RICTOR: variants seen among roughly 807,000 people sequenced by gnomAD.
RICTOR encodes RPTOR independent companion of MTOR complex 2.
RICTOR carries 49 observed loss-of-function variants against 214.9 expected under a neutral mutation model. That is an observed-to-expected ratio of 0.23 (90% CI 0.18 to 0.29). The LOEUF (loss-of-function observed/expected upper bound fraction) is 0.29, where lower values mean the gene tolerates loss of function less well. Among genes scored for constraint, RICTOR ranks in the 10% least tolerant of loss-of-function variants. The pLI is 1.00. For missense variants in RICTOR, 1,625 were observed against 2,047.0 expected (o/e 0.79, Z 3.98); for synonymous variants, 717 against 711.3 (o/e 1.01, Z -0.13).
At chr5:39,065,251 A>G (rs1397189622) in intron 2 of RICTOR, among the ~76,000 whole-genome samples, 1 of 152,186 alleles carries the variant, frequency 6.6e-6, no homozygotes, top group Non-Finnish European at 1.5e-5. Flanking sequence ...GAGCGGGAGC[A>G]AGAGGGAGCT....
intron 2 of RICTOR, among the ~76,000 whole-genome samples, chr5:39,052,755 T>A (rs867964019): frequency 1.3e-5 from 2 of 152,222 alleles, no homozygotes; most frequent in Non-Finnish European, 1.5e-5. Context: ...ACCTTTCTCG[T>A]ACCTAGAGAG....
intron 3 of RICTOR, among the ~76,000 whole-genome samples, chr5:39,016,457 G>C (rs1364304719): frequency 6.6e-6 from 1 of 151,850 alleles, no homozygotes; most frequent in African/African-American, 2.4e-5. Flanking sequence ...AGAAAGGGCA[G>C]AAGAGAGTGG....
At chr5:39,042,014 G>A (rs771182899) in intron 2 of RICTOR, among the ~76,000 whole-genome samples, 1 of 151,186 alleles carries the variant, frequency 6.6e-6, no homozygotes, top group African/African-American at 2.4e-5. Flanking sequence ...CAGGCTATCA[G>A]TTTTCAAGCC....
chr5:38,992,455 C>A (rs1465827632), intron 6 of RICTOR, among the ~76,000 whole-genome samples: 1 of 151,944 alleles, frequency 6.6e-6, no homozygotes, highest in Admixed American at 6.6e-5. Flanking sequence ...GCTGAAAAAA[C>A]CGGCAAAATG....
At chr5:39,072,295 G>A (rs139149573) in intron 2 of RICTOR, among the ~76,000 whole-genome samples, 11 of 152,274 alleles carry the variant, frequency 7.2e-5, no homozygotes, top group East Asian at 3.9e-4. Context: ...ATTTTAAATA[G>A]TAAACAGTTA....
intron 2 of RICTOR, among the ~76,000 whole-genome samples, chr5:39,066,211 A>T (rs1758894355): frequency 6.6e-6 from 1 of 152,218 alleles, no homozygotes; most frequent in Admixed American, 6.5e-5. Context: ...TAATACATGT[A>T]AGCCATCAAG....
intron 2 of RICTOR, among the ~76,000 whole-genome samples, chr5:39,054,400 G>A (rs1034167351): frequency 6.6e-6 from 1 of 151,920 alleles, no homozygotes; most frequent in Admixed American, 6.6e-5. Context: ...GAAGGGGAGC[G>A]CTCATATCCA....
At chr5:39,001,982 A>T (rs1753660600) in intron 5 of RICTOR, among the ~76,000 whole-genome samples, 1 of 152,050 alleles carries the variant, frequency 6.6e-6, no homozygotes, top group Admixed American at 6.6e-5. Context: ...TAACCCAGAA[A>T]TTCTAGTTCT....
rs1055248771 is a variant in RICTOR, at chr5:38,946,514, T to A, written c.4353A>T (p.Pro1451=). ...CTCTTGCACCTCGATCATCATGTGGTGGTATGTTTTTTGTCTGAAAATAGG... is the reference window on the plus strand; with the variant it reads ...CTCTTGCACCTCGATCATCATGTGGAGGTATGTTTTTTGTCTGAAAATAGG... The part of the protein sequence containing the change: ...DIPYFQTKNI[P]PHDDRGARAF... The change falls in exon 33 of 38, where the codon CCA becomes CCT. Residue 1451 remains proline, a synonymous_variant. Coordinates refer to ENST00000357387, the MANE Select transcript of RICTOR (RefSeq NM_152756.5). 1.1e-5 allele frequency: 17 copies of A among 1,611,714 alleles called. No homozygotes were observed. In the African/African-American group the frequency reaches 1.9e-4, roughly 18 times the overall value.
Position 38,966,691 on chromosome 5 carries a change from C to A in RICTOR, c.1249G>T (p.Asp417Tyr). The A allele has an allele frequency of 6.3e-7, 1 of 1,595,848 alleles. No homozygotes were observed. ...GLVEVITNSD[D>Y]HISVRATILL... ...ATGGTAGCTCTAACTGAGATATGAT[C>A]ATCACTGTTTGTTATCACTTCAACT... The change falls in exon 15 of 38, where the codon GAT becomes TAT. Residue 417 changes from aspartate (D) to tyrosine (Y), a missense_variant. By Grantham distance (160) the Asp-to-Tyr change is radical. This residue lies in a region of RICTOR where 1,214 missense variants were observed against 1,470.5 expected (regional missense o/e 0.83). Transcript: ENST00000357387.
intron 31 of RICTOR, among the ~76,000 whole-genome samples, chr5:38,948,043 T>TAA (rs1748389817): frequency 6.6e-6 from 1 of 152,102 alleles, no homozygotes; most frequent in South Asian, 2.1e-4. Flanking sequence ...AATGTACTCC[T>TAA]TACTACTAGA....
At chr5:38,975,309 A>G (rs1194253868) in intron 10 of RICTOR, among the ~76,000 whole-genome samples, 1 of 152,200 alleles carries the variant, frequency 6.6e-6, no homozygotes, top group Non-Finnish European at 1.5e-5. Flanking sequence ...ACTGGCAAAT[A>G]ATAAATATGT....
Position 39,074,325 on chromosome 5 carries a change from T to C in RICTOR, c.49+4A>G. On this transcript the variant is annotated splice_donor_region_variant and intron_variant, in intron 1 of 37. Coordinates refer to ENST00000357387, the MANE Select transcript of RICTOR (RefSeq NM_152756.5). ...GTGGGGAGTGAGGGTTGCAGCGGGC[T>C]TACCTCGTACTCGGAGGTTCTTCAG... The C allele has an allele frequency of 6.5e-7, 1 of 1,545,024 alleles. No individual in the cohort carries two copies. Among genetic ancestry groups the C allele is most frequent in the Non-Finnish European group, 8.7e-7 (1 of 1,144,862 alleles).
intron 11 of RICTOR, among the ~76,000 whole-genome samples, chr5:38,969,260 C>T (rs1481784838): frequency 6.6e-6 from 1 of 151,800 alleles, no homozygotes; most frequent in Non-Finnish European, 1.5e-5. Context: ...GTGTGAGCCA[C>T]CGCACCTGGC....
At chr5:39,061,527 A>C (rs1468208869) in intron 2 of RICTOR, among the ~76,000 whole-genome samples, 3 of 152,012 alleles carry the variant, frequency 2.0e-5, no homozygotes, top group Non-Finnish European at 2.9e-5. Context: ...TCATATATGC[A>C]CATACCTTTC....
At chr5:39,037,785 G>T (rs550142294) in intron 2 of RICTOR, among the ~76,000 whole-genome samples, 1 of 152,184 alleles carries the variant, frequency 6.6e-6, no homozygotes, top group African/African-American at 2.4e-5. Context: ...TTGAATCCCT[G>T]AATACACCAA....
chr5:38,957,576 A>G (rs1049009797), intron 25 of RICTOR, 76 bp downstream of exon 25: 2 of 815,140 alleles, frequency 2.5e-6, no homozygotes, highest in Admixed American at 4.7e-5. Context: ...ATATAAAAAA[A>G]CCATCCTCTA....
chr5:39,048,533 T>C (rs1237298779), intron 2 of RICTOR, among the ~76,000 whole-genome samples: 1 of 152,214 alleles, frequency 6.6e-6, no homozygotes, highest in Non-Finnish European at 1.5e-5. Flanking sequence ...TGAGATTCCC[T>C]GGTTGACAGC....
intron 3 of RICTOR, among the ~76,000 whole-genome samples, chr5:39,009,562 C>T (rs144699990): frequency 2.4e-3 from 357 of 150,192 alleles, no homozygotes; most frequent in Non-Finnish European, 4.3e-3. Context: ...TAATTAGTGC[C>T]TATTTTCCAG....
Sources: gnomAD v4.1 joint callset for allele counts (sites outside exome capture counted in the v4.1 genomes callset) on GRCh38, gnomAD v4.1.1 for gene constraint, gnomAD v4.1.1 regional missense constraint, MANE v1.5 for transcripts, NCBI Gene and HGNC (gene_info 2026-07-23, HGNC 2026-07-21) for gene names.